Variants in DAB1 observed in about 807,000 individuals in gnomAD.
DAB1 encodes the protein DAB adaptor protein 1, also known as disabled homolog 1.
In DAB1, 15 loss-of-function variants were observed where a neutral mutation model predicts 64.6. That is an observed-to-expected ratio of 0.23 (90% CI 0.16 to 0.36). The LOEUF is 0.36. Among genes scored for constraint, DAB1 ranks in the 10% least tolerant of loss-of-function variants. DAB1 has a pLI of 1.00. For synonymous variants in DAB1, 235 were observed against 251.9 expected, an observed-to-expected ratio of 0.93 and a Z score of 0.64; for missense variants, 596 against 706.7, an observed-to-expected ratio of 0.84 and a Z score of 1.78.
At chr1:57,240,199 A>G (rs1257094459) in intron 2 of DAB1, among the ~76,000 whole-genome samples, 1 of 152,200 alleles carries the variant, frequency 6.6e-6, no homozygotes, top group East Asian at 1.9e-4. Flanking sequence ...CTGGGGCAAG[A>G]GAAAAGGAAG....
At chr1:58,213,466 C>T (rs114748717) in intron 4 of DAB1, among the ~76,000 whole-genome samples, 1,663 of 152,176 alleles carry the variant, frequency 0.011, 31 homozygotes, top group African/African-American at 0.038. Flanking sequence ...GGAAGGCAGG[C>T]ACATCCTTCT....
At chr1:58,511,642 C>G (rs559343549) in intron 2 of DAB1, among the ~76,000 whole-genome samples, 1 of 152,146 alleles carries the variant, frequency 6.6e-6, no homozygotes, top group South Asian at 2.1e-4. Context: ...AACGAACACA[C>G]ACACACACAC....
At chr1:57,350,721 A>G (rs116013037) in intron 1 of DAB1, among the ~76,000 whole-genome samples, 2,399 of 151,470 alleles carry the variant, frequency 0.016, 54 homozygotes, top group African/African-American at 0.054. Flanking sequence ...CAAAGTCACA[A>G]CAGCTGGCTT....
At chr1:57,382,613 C>A (rs951192761) in intron 1 of DAB1, among the ~76,000 whole-genome samples, 5 of 152,110 alleles carry the variant, frequency 3.3e-5, no homozygotes, top group Admixed American at 2.0e-4. Context: ...CTTTTAAAAG[C>A]CACTGATTCT....
chr1:57,010,322 C>A (rs533406978), intron 14 of DAB1, among the ~76,000 whole-genome samples: 1 of 152,130 alleles, frequency 6.6e-6, no homozygotes, highest in Non-Finnish European at 1.5e-5. Flanking sequence ...TCTATCACCA[C>A]CAACCACGCA....
chr1:58,474,123 G>A lies in DAB1; in HGVS notation n.257+31937C>T, dbSNP rs533508662. On this transcript the variant is annotated intron_variant and non_coding_transcript_variant, in intron 3 of 20. Coordinates refer to the DAB1 transcript ENST00000485760. Reference sequence around the variant, plus strand: ...CCTGTGGAGTGTGGATGAAAAAGATGAGGATGCCAGAGCTCCTGCCCTCAA... The same window carrying A: ...CCTGTGGAGTGTGGATGAAAAAGATAAGGATGCCAGAGCTCCTGCCCTCAA... Among the ~76,000 whole-genome samples the A allele has an allele frequency of 1.3e-4, 20 of 152,288 alleles. No individual in the cohort carries two copies. In the East Asian group the frequency reaches 1.3e-3, roughly 10 times the overall value.
intron 7 of DAB1, chr1:57,605,779 C>A: frequency 2.7e-6 from 1 of 368,160 alleles, no homozygotes; most frequent in East Asian, 5.3e-5. Flanking sequence ...CCTTGGGTAC[C>A]ATATTCATGA....
chr1:57,621,449 C>T lies in DAB1; in HGVS notation n.625+28143G>A, dbSNP rs570531154. Among the ~76,000 whole-genome samples the T allele has an allele frequency of 3.9e-5, 6 of 151,946 alleles. No individual in the cohort carries two copies. In the East Asian group the frequency reaches 1.2e-3, roughly 30 times the overall value. On this transcript the variant is annotated intron_variant and non_coding_transcript_variant, in intron 7 of 20. Transcript: ENST00000485760. Reference sequence around the variant, plus strand: ...ACCCTCACTGAAGGGCTCTCCTACCCTCTATCTTTACTTCTGTACTTTTGA... The same window carrying T: ...ACCCTCACTGAAGGGCTCTCCTACCTTCTATCTTTACTTCTGTACTTTTGA...
rs56874839 is a variant in DAB1 at position 58,285,087 on chromosome 1, C to G, written n.309+58265G>C. 5.6e-3 allele frequency among the ~76,000 whole-genome samples: 854 copies of G among 152,230 alleles called. 13 individuals are homozygous for G. The highest frequency in any genetic ancestry group is 0.019 in the African/African-American group (793 of 41,536). Reference sequence around the variant, plus strand: ...TTATCTCAATAGATGCAGAAAAAGCCTTCGATAAAATTCAACATCCTTCAT... The same window carrying G: ...TTATCTCAATAGATGCAGAAAAAGCGTTCGATAAAATTCAACATCCTTCAT... On this transcript the variant is annotated intron_variant and non_coding_transcript_variant, in intron 4 of 20. Coordinates refer to the DAB1 transcript ENST00000485760.
intron 2 of DAB1, among the ~76,000 whole-genome samples, chr1:57,181,428 G>A (rs561703720): frequency 2.6e-5 from 4 of 152,276 alleles, no homozygotes; most frequent in African/African-American, 9.6e-5. Flanking sequence ...GCAGCTGATC[G>A]ATGCACTTCA....
chr1:58,074,588 A>G (rs1196453752), intron 5 of DAB1, among the ~76,000 whole-genome samples: 75 of 139,242 alleles, frequency 5.4e-4, no homozygotes, highest in African/African-American at 1.8e-3. Flanking sequence ...ATATATATAT[A>G]TATATATTTG....
At chr1:58,486,280 G>C (rs1412991791) in intron 3 of DAB1, among the ~76,000 whole-genome samples, 1 of 152,158 alleles carries the variant, frequency 6.6e-6, no homozygotes, top group Non-Finnish European at 1.5e-5. Context: ...TTTCACATAT[G>C]AAGAAAACTA....
At chr1:57,859,082 G>A (rs1653886986) in intron 1 of DAB1, among the ~76,000 whole-genome samples, 1 of 151,946 alleles carries the variant, frequency 6.6e-6, no homozygotes, top group African/African-American at 2.4e-5. Flanking sequence ...ATAAACAAAA[G>A]CATGAGAACA....
chr1:57,013,918 C>T (rs542977320), intron 12 of DAB1, among the ~76,000 whole-genome samples: 2 of 152,154 alleles, frequency 1.3e-5, no homozygotes, highest in Non-Finnish European at 2.9e-5. Flanking sequence ...GCACACTGCT[C>T]ATCCAAGCCA....
chr1:57,106,136 C>G (rs571894657), intron 4 of DAB1, among the ~76,000 whole-genome samples: 4 of 152,122 alleles, frequency 2.6e-5, no homozygotes, highest in Non-Finnish European at 5.9e-5. Context: ...TCTTAGGCAA[C>G]GATAATCACA....
chr1:58,359,310 A>G (rs1018395784), intron 3 of DAB1, among the ~76,000 whole-genome samples: 1 of 152,226 alleles, frequency 6.6e-6, no homozygotes, highest in African/African-American at 2.4e-5. Context: ...TTGTAAATCA[A>G]TGAAAGAGCC....
intron 1 of DAB1, chr1:57,306,961 CA>C (rs1235516421): frequency 1.3e-5 from 2 of 152,140 alleles, no homozygotes; most frequent in Non-Finnish European, 2.9e-5. Context: ...GTGTAGGCTT[CA>C]AGTGGAGGTT....
intron 5 of DAB1, among the ~76,000 whole-genome samples, chr1:58,091,955 C>CACAA (rs1385427435): frequency 4.0e-5 from 6 of 151,622 alleles, no homozygotes; most frequent in Admixed American, 3.9e-4. Context: ...CACACACACA[C>CACAA]ACACACACAC....
intron 2 of DAB1, among the ~76,000 whole-genome samples, chr1:57,151,191 T>C (rs1180605401): frequency 1.3e-5 from 2 of 152,150 alleles, no homozygotes; most frequent in African/African-American, 4.8e-5. Context: ...CAAGGTCTAT[T>C]AATGACCCAG....
Sources: gnomAD v4.1 joint callset for allele counts (sites outside exome capture counted in the v4.1 genomes callset) on GRCh38, gnomAD v4.1.1 for gene constraint, MANE v1.5 for transcripts, NCBI Gene and HGNC (gene_info 2026-07-23, HGNC 2026-07-21) for gene names.